The following CSMD1 variants were observed in gnomAD, a reference collection of about 807,000 sequenced individuals.
The protein encoded by CSMD1 is CUB and sushi domain-containing protein 1.
In CSMD1, 213 loss-of-function variants were observed where a neutral mutation model predicts 417.5. The observed-to-expected ratio is 0.51, with a 90% CI of 0.46 to 0.57. CSMD1 has a LOEUF of 0.57. Among genes scored for constraint, CSMD1 ranks in the 20% least tolerant of loss-of-function variants. The probability of loss-of-function intolerance (pLI) is 0.00; values close to 1 mark genes in which losing one functional copy is unlikely to be tolerated. For missense variants in CSMD1, 6,923 were observed against 4,529.7 expected, an observed-to-expected ratio of 1.53 and a Z score of -15.17; for synonymous variants, 2,862 against 1,736.8, an observed-to-expected ratio of 1.65 and a Z score of -16.11.
intron 3 of CSMD1, among the ~76,000 whole-genome samples, chr8:4,185,509 T>C (rs1237077016): frequency 6.6e-6 from 1 of 152,074 alleles, no homozygotes. Flanking sequence ...AAAACACTAT[T>C]CTGCTAATAC....
At chr8:4,882,321 C>A (rs1246312629) in intron 1 of CSMD1, among the ~76,000 whole-genome samples, 1 of 151,738 alleles carries the variant, frequency 6.6e-6, no homozygotes, top group African/African-American at 2.4e-5. Context: ...GACAAACGAC[C>A]TCTCCTGACA....
intron 11 of CSMD1, among the ~76,000 whole-genome samples, chr8:3,490,212 C>A (rs1161798031): frequency 6.6e-6 from 1 of 152,184 alleles, no homozygotes; most frequent in East Asian, 1.9e-4. Context: ...CTGATCCCGG[C>A]TGCATTATGT....
chr8:4,903,268 G>A (rs935129406), intron 1 of CSMD1, among the ~76,000 whole-genome samples: 2 of 152,074 alleles, frequency 1.3e-5, no homozygotes, highest in Non-Finnish European at 2.9e-5. Context: ...TTCATTCCCT[G>A]GAGTGAATTA....
chr8:3,987,940 G>A (rs1322154699), intron 5 of CSMD1, among the ~76,000 whole-genome samples: 2 of 152,200 alleles, frequency 1.3e-5, no homozygotes, highest in African/African-American at 2.4e-5. Context: ...CACATCAAAG[G>A]ACTGAGAAAT....
chr8:4,670,443 G>A (rs1350241750), intron 1 of CSMD1, among the ~76,000 whole-genome samples: 2 of 152,138 alleles, frequency 1.3e-5, no homozygotes, highest in Non-Finnish European at 2.9e-5. Context: ...GAGCAAACAT[G>A]TGTGTCCTGT....
At chr8:3,289,497 G>A (rs1405650348) in intron 25 of CSMD1, among the ~76,000 whole-genome samples, 2 of 146,774 alleles carry the variant, frequency 1.4e-5, no homozygotes, top group Admixed American at 1.3e-4. Context: ...GTTTTTTCCT[G>A]ACTTGTTAAT....
intron 41 of CSMD1, among the ~76,000 whole-genome samples, chr8:3,139,592 T>C (rs563605039): frequency 1.3e-5 from 2 of 152,274 alleles, no homozygotes; most frequent in South Asian, 4.1e-4. Context: ...AAAACAGGTG[T>C]AGAAATTGAG....
In CSMD1 at chr8:4,736,901, G is replaced by A. The variant is rs76288383; in HGVS notation, c.86-99343C>T. ...AAGCGTTCAGTAAATGTTATCAGCT[G>A]TCATCATCATCCTCTTTGTAATAAT... On this transcript the variant is annotated intron_variant, in intron 1 of 69. Transcript: ENST00000635120. Among the ~76,000 whole-genome samples the A allele has an allele frequency of 1.1e-4, 17 of 152,250 alleles. 1 individual carries two copies. The East Asian group carries it at 3.1e-3, about 28-fold the overall frequency.
rs137936853 is a variant in CSMD1, at chr8:3,072,471, T to G, written c.7474+14626A>C. The stretch of plus-strand genomic sequence containing the variant: ...CAAGGAGGTATTATTTTAAAGAATA[T>G]TATGTTAATATGAACCAGAAAATGT... On this transcript the variant is annotated intron_variant, in intron 49 of 69. Transcript: ENST00000635120. 7.4e-3 allele frequency among the ~76,000 whole-genome samples: 1,131 copies of G among 152,242 alleles called. 14 individuals carry two copies. The highest frequency in any genetic ancestry group is 0.025 in the African/African-American group (1,057 of 41,530).
chr8:4,496,228 A>C (rs963008778), intron 2 of CSMD1, among the ~76,000 whole-genome samples: 6 of 152,208 alleles, frequency 3.9e-5, no homozygotes, highest in Non-Finnish European at 7.4e-5. Flanking sequence ...AAAGAGAAAA[A>C]AACAACCTGA....
At chr8:4,512,693 A>T (rs1051932827) in intron 2 of CSMD1, among the ~76,000 whole-genome samples, 20 of 152,312 alleles carry the variant, frequency 1.3e-4, no homozygotes, top group African/African-American at 4.8e-4. Context: ...TTACATTAGC[A>T]TACCCCAAAA....
intron 4 of CSMD1, among the ~76,000 whole-genome samples, chr8:4,000,868 G>T: frequency 6.6e-6 from 1 of 152,044 alleles, no homozygotes. Context: ...TACCTAAGAA[G>T]ATAAAATATC....
At position 3,526,622 on chromosome 8, in the gene CSMD1, A is replaced by C. The variant is rs866222152; in HGVS notation, c.1345-32896T>G. On this transcript the variant is annotated intron_variant, in intron 10 of 69. Coordinates refer to ENST00000635120, the MANE Select transcript of CSMD1 (RefSeq NM_033225.6). ...GTGATCCTACAAGTATTAGTAAATA[A>C]TTTTTCCAAGGTACCTTCCCGATCG... 7.2e-5 allele frequency among the ~76,000 whole-genome samples: 11 copies of C among 152,134 alleles called. 1 individual carries two copies. Among genetic ancestry groups the C allele is most frequent in the Middle Eastern group, 3.4e-3 (1 of 294 alleles).
At chr8:3,038,903 G>A (rs981572440) in intron 50 of CSMD1, among the ~76,000 whole-genome samples, 1 of 152,184 alleles carries the variant, frequency 6.6e-6, no homozygotes, top group Non-Finnish European at 1.5e-5. Flanking sequence ...ACTTCATCAT[G>A]GAGACAAGCC....
chr8:4,036,204 A>G (rs1310355993), intron 3 of CSMD1, among the ~76,000 whole-genome samples: 1 of 152,144 alleles, frequency 6.6e-6, no homozygotes, highest in African/African-American at 2.4e-5. Flanking sequence ...GGACAAAATC[A>G]CCTAAGGATG....
intron 1 of CSMD1, among the ~76,000 whole-genome samples, chr8:4,796,567 C>T (rs1442748957): frequency 6.6e-6 from 1 of 151,600 alleles, no homozygotes; most frequent in Non-Finnish European, 1.5e-5. Context: ...CCCCTGTCTC[C>T]CACTCACTGT....
chr8:4,488,399 G>C (rs1563226092), intron 2 of CSMD1, among the ~76,000 whole-genome samples: 1 of 152,030 alleles, frequency 6.6e-6, no homozygotes. Context: ...TAACCTGTGG[G>C]GGGCTTGATC....
chr8:3,246,953 C>T (rs188427640), intron 26 of CSMD1, among the ~76,000 whole-genome samples: 63 of 152,212 alleles, frequency 4.1e-4, no homozygotes, highest in African/African-American at 1.5e-3. Context: ...CAATTTATTG[C>T]TTATAGAACT....
chr8:4,413,703 G>C (rs929165138), intron 3 of CSMD1, among the ~76,000 whole-genome samples: 2 of 152,120 alleles, frequency 1.3e-5, no homozygotes, highest in Non-Finnish European at 2.9e-5. Context: ...ATTTTCCAAT[G>C]TCATTTAACA....
Sources: gnomAD v4.1 joint callset for allele counts (sites outside exome capture counted in the v4.1 genomes callset) on GRCh38, gnomAD v4.1.1 for gene constraint, MANE v1.5 for transcripts, NCBI Gene and HGNC (gene_info 2026-07-23, HGNC 2026-07-21) for gene names.